The following FBXO27 variants were observed in gnomAD, a reference collection of about 807,000 sequenced individuals.
FBXO27 encodes F-box only protein 27.
In FBXO27, 28 loss-of-function variants were observed where a neutral mutation model predicts 28.3. The observed-to-expected ratio is 0.99, with a 90% confidence interval of 0.73 to 1.36. The LOEUF is 1.36. Among genes scored for constraint, FBXO27 ranks in the 40% most tolerant of loss-of-function variants. The pLI is 0.00. For synonymous variants in FBXO27, 175 were observed against 167.3 expected (o/e 1.05, Z -0.36); for missense variants, 388 against 394.1 (o/e 0.98, Z 0.13).
At chr19:39,023,629 T>C (rs928907414), downstream of FBXO27, among the ~76,000 whole-genome samples, 18 of 151,920 alleles carry the variant, frequency 1.2e-4, no homozygotes, top group African/African-American at 3.9e-4. Flanking sequence ...TTTTTTTTAA[T>C]TTGAGACGGA....
At chr19:39,017,824 G>A (rs2072826915) in intron 1 of FBXO27, among the ~76,000 whole-genome samples, 1 of 151,864 alleles carries the variant, frequency 6.6e-6, no homozygotes. Flanking sequence ...TGCAACCTGT[G>A]GGCTGAAGAA....
At chr19:39,029,754 A>C (rs1023330578) in intron 4 of FBXO27, among the ~76,000 whole-genome samples, 6 of 152,186 alleles carry the variant, frequency 3.9e-5, no homozygotes, top group African/African-American at 1.4e-4. Context: ...CCATCACTAC[A>C]GAGGACAAGC....
chr19:39,009,655 T>C (rs957630561), intron 2 of FBXO27, among the ~76,000 whole-genome samples: 2 of 152,172 alleles, frequency 1.3e-5, no homozygotes, highest in Admixed American at 6.6e-5. Context: ...TATCTTTTAT[T>C]GTTGAGTTGT....
chr19:39,019,152 C>T (rs557980532), downstream of FBXO27, among the ~76,000 whole-genome samples: 2 of 143,324 alleles, frequency 1.4e-5, no homozygotes, highest in African/African-American at 2.6e-5. Context: ...TTGCCGAGCA[C>T]GGTAGCTCAC....
chr19:39,023,224 C>T (rs12463075), downstream of FBXO27, among the ~76,000 whole-genome samples: 29,550 of 152,170 alleles, frequency 0.19, 3,518 homozygotes, highest in South Asian at 0.39. Context: ...GCGTGAGGCA[C>T]CAGGCCCAGC....
chr19:39,030,553 T>C (rs1055067896), intron 4 of FBXO27: 1 of 171,790 alleles, frequency 5.8e-6, no homozygotes, highest in African/African-American at 2.4e-5. Context: ...AGAAAGTGTG[T>C]ACTCTGCTAA....
At chr19:39,027,176 A>T (rs1014034290) in intron 4 of FBXO27, among the ~76,000 whole-genome samples, 171 bp from the exon 5 acceptor site, 15 of 152,084 alleles carry the variant, frequency 9.9e-5, no homozygotes, top group African/African-American at 3.4e-4. Context: ...AGTGTCTTTG[A>T]TGGGGACCCA....
intron 2 of FBXO27, chr19:39,014,333 G>C (rs978591402): frequency 4.6e-5 from 7 of 152,232 alleles, no homozygotes; most frequent in African/African-American, 1.4e-4. Flanking sequence ...CTGCAGGCTA[G>C]AAGGTTCTGT....
intron 2 of FBXO27, among the ~76,000 whole-genome samples, chr19:39,012,843 C>T (rs1269977914): frequency 6.6e-6 from 1 of 151,784 alleles, no homozygotes; most frequent in Non-Finnish European, 1.5e-5. Flanking sequence ...GCCTGTAGTC[C>T]TAGGTACTTG....
At position 39,027,290 on chromosome 19, in the gene FBXO27, T is replaced by C. The variant is rs895545596; in HGVS notation, c.573-285A>G. Among the ~76,000 whole-genome samples, 4 of 152,174 alleles carry C rather than the reference T, an allele frequency of 2.6e-5. No individual in the cohort carries two copies. The South Asian group carries it at 8.3e-4, about 32-fold the overall frequency. On this transcript the variant is annotated intron_variant, in intron 4 of 5. Coordinates refer to ENST00000292853, the MANE Select transcript of FBXO27 (RefSeq NM_178820.5). Reference sequence around the variant, plus strand: ...TCCGGAAAGACCCACAATGTGACTTTCGGTGGGGGCTGGGAGTCAGGGAAC... The same window carrying C: ...TCCGGAAAGACCCACAATGTGACTTCCGGTGGGGGCTGGGAGTCAGGGAAC...
chr19:39,023,642 C>T (rs1228379453), downstream of FBXO27, among the ~76,000 whole-genome samples: 2 of 151,132 alleles, frequency 1.3e-5, no homozygotes, highest in East Asian at 3.9e-4. Flanking sequence ...GAGACGGAGT[C>T]TCGCTCTTTC....
chr19:39,006,420 G>C (rs1469551630), intron 2 of FBXO27, among the ~76,000 whole-genome samples: 1 of 152,010 alleles, frequency 6.6e-6, no homozygotes, highest in African/African-American at 2.4e-5. Context: ...TTAGCCTGGC[G>C]TGGTGGTGCA....
chr19:39,023,032 T>C (rs986614903), downstream of FBXO27, among the ~76,000 whole-genome samples: 2 of 152,036 alleles, frequency 1.3e-5, no homozygotes, highest in Admixed American at 1.3e-4. Context: ...CTCGAACTCA[T>C]GACCTCTGGT....
At position 39,014,724 on chromosome 19, in the gene FBXO27, TAAAAACAA is replaced by T. The variant is rs777078165; in HGVS notation, c.92-185_92-178del. 1.1e-3 allele frequency among the ~76,000 whole-genome samples: 159 copies of T among 151,196 alleles called. 6 individuals carry two copies. The East Asian group carries it at 0.015, about 14-fold the overall frequency. On this transcript the variant is annotated intron_variant, in intron 1 of 2. Coordinates refer to the FBXO27 transcript ENST00000598394. ...TTGGGTAACAGAGTAAGACCCTGTC[TAAAAACAA>T]AAAAACAAACAAACAAACAAACAAA...
Position 39,032,221 on chromosome 19 carries a change from C to G in FBXO27, c.7G>C (p.Ala3Pro). Residue 3 changes from alanine (A) to proline (P), a missense_variant, in exon 2 of 6, where the codon GCC (alanine) becomes CCC (proline). Ala to Pro is a conservative substitution (Grantham distance 27, BLOSUM62 -1). Transcript: ENST00000292853. This position sits in a 1 kb window ranked among gnomAD's most constrained non-coding sequence, Gnocchi z 4.7. Reference protein sequence around the residue: MGASVSRGRAARV... With the variant: MGPSVSRGRAARV... The stretch of plus-strand genomic sequence containing the variant: ...GCGGCCCGGCCCCTGGAGACCGAGG[C>G]GCCCATGGTCCCCCCGCCAGGCCCG... 3.5e-6 allele frequency: 5 copies of G among 1,439,084 alleles called. No individual in the cohort carries two copies. In the African/African-American group the frequency reaches 4.5e-5, roughly 13 times the overall value. 89.1% of individuals were successfully genotyped at this position (1,439,084 alleles called of 1,614,324 possible). A position where few individuals can be genotyped will look rare whatever the true frequency, so the allele number is the denominator to read the frequency against.
intron 1 of FBXO27, among the ~76,000 whole-genome samples, chr19:39,018,672 G>A (rs1336697212): frequency 6.6e-6 from 1 of 152,096 alleles, no homozygotes; most frequent in African/African-American, 2.4e-5. Context: ...TCAGCATTGA[G>A]GAGCATTGTA....
chr19:39,027,012 G>C lies in FBXO27; in HGVS notation c.573-7C>G. On this transcript the variant is annotated splice_polypyrimidine_tract_variant and splice_region_variant and intron_variant, in intron 4 of 5. Transcript: ENST00000292853. ...GTCGTGTCGGGCTCCCCACCTGTGG[G>C]AGGAAGGAGCCATGAAGGCTGGACC... is the stretch of plus-strand genomic sequence containing the variant. 6.2e-7 allele frequency: 1 copy of C among 1,614,094 alleles called. No individual in the cohort carries two copies. The highest frequency in any genetic ancestry group is 8.5e-7 in the Non-Finnish European group (1 of 1,179,982).
At chr19:39,017,633 C>T (rs191141478) in intron 1 of FBXO27, among the ~76,000 whole-genome samples, 4 of 125,380 alleles carry the variant, frequency 3.2e-5, no homozygotes, top group Non-Finnish European at 5.3e-5. Context: ...GGTTACTGCA[C>T]TCCAGCCTGG....
chr19:39,006,962 C>G (rs1250887804), intron 2 of FBXO27, among the ~76,000 whole-genome samples: 4 of 143,622 alleles, frequency 2.8e-5, no homozygotes, highest in Non-Finnish European at 4.5e-5. Flanking sequence ...AGTCACAGCT[C>G]CTTGGGAGGC....
Sources: allele counts gnomAD v4.1 joint callset (sites outside exome capture counted in the v4.1 genomes callset), GRCh38; gene constraint gnomAD v4.1.1; non-coding constraint Gnocchi (gnomAD v3.1); transcripts MANE v1.5; gene names NCBI Gene and HGNC (gene_info 2026-07-23, HGNC 2026-07-21).